CADM3: variants seen among roughly 807,000 people sequenced by gnomAD.
The protein encoded by CADM3 is TSLC1-like 1.
CADM3 carries 11 observed loss-of-function variants against 44.9 expected under a neutral mutation model. The ratio of observed to expected loss-of-function variants is 0.25; its 90% CI spans 0.15 to 0.41. The LOEUF is 0.41. Ranked by LOEUF, CADM3 falls within the 10% of genes least tolerant of loss-of-function variation. CADM3 has a pLI of 1.00. For synonymous variants in CADM3, 207 were observed against 205.2 expected, an observed-to-expected ratio of 1.01 and a Z score of -0.08; for missense variants, 426 against 512.0, an observed-to-expected ratio of 0.83 and a Z score of 1.62.
rs746860818 is a variant in CADM3, at chr1:159,200,820, T to A, written c.1095T>A (p.His365Gln). 2 of 1,606,618 alleles carry A rather than the reference T, an allele frequency of 1.2e-6. No individual in the cohort carries two copies. The highest frequency in any genetic ancestry group is 1.7e-6 in the Non-Finnish European group (2 of 1,176,240). The change falls in exon 9 of 9, where the codon CAT (histidine) becomes CAA (glutamine). Residue 365 changes from histidine to glutamine, a missense_variant. Around this residue, in one of 2 missense-constraint regions of CADM3, gnomAD observed 362 missense variants for 474.6 expected, o/e 0.76. Coordinates refer to ENST00000368125, the MANE Select transcript of CADM3 (RefSeq NM_001127173.3). ...TCTACACAGGAACCTACCTGACACA[T>A]GAGGCAAAAGGCTCCGACGATGCTC... ...LIRHKGTYLT[H>Q]EAKGSDDAPD...
intron 1 of CADM3, among the ~76,000 whole-genome samples, chr1:159,179,590 G>T (rs1313057621): frequency 2.6e-5 from 4 of 152,130 alleles, no homozygotes; most frequent in Admixed American, 6.5e-5. Flanking sequence ...TAGTACTTCT[G>T]ACAACAGATT....
chr1:159,173,829 A>G (rs1239859116), intron 1 of CADM3, among the ~76,000 whole-genome samples: 1 of 152,202 alleles, frequency 6.6e-6, no homozygotes, highest in African/African-American at 2.4e-5. Context: ...CTTCTACTCT[A>G]AGATGTAAAA....
chr1:159,176,793 CA>C (rs1433562658), intron 1 of CADM3, among the ~76,000 whole-genome samples: 1 of 152,200 alleles, frequency 6.6e-6, no homozygotes, highest in Admixed American at 6.5e-5. Flanking sequence ...AGTAAAGGTA[CA>C]TATTCTTCAC....
chr1:159,201,750 T>G lies in CADM3; in HGVS notation c.*828T>G, dbSNP rs1650221333. 1 of 152,470 alleles carries G rather than the reference T, an allele frequency of 6.6e-6. No homozygotes were observed. Among genetic ancestry groups the G allele is most frequent in the African/African-American group, 2.4e-5 (1 of 41,410 alleles). The allele number at this position is 152,470 out of a possible 1,614,324, so 9.4% of individuals were successfully genotyped here. A position where few individuals can be genotyped will look rare whatever the true frequency, so the allele number is the denominator to read the frequency against. On this transcript the variant is annotated 3_prime_UTR_variant, in exon 9 of 9. Transcript: ENST00000368125. ...GGAGATAGCAGAGTGTGGCTGCCCC[T>G]CCTTGCTCCAGCAGCAGTGGGAGAG...
In CADM3 at chr1:159,199,737, G is replaced by A. The variant is rs759552558; in HGVS notation, c.953-14G>A. On this transcript the variant is annotated splice_polypyrimidine_tract_variant and intron_variant, in intron 7 of 8. Coordinates refer to ENST00000368125, the MANE Select transcript of CADM3 (RefSeq NM_001127173.3). ...CTCCCCAGATCTGACTGTGTGTGTTGCCCTTTCTTCCAGACCCCAGTCCGG... is the reference window on the plus strand; with the variant it reads ...CTCCCCAGATCTGACTGTGTGTGTTACCCTTTCTTCCAGACCCCAGTCCGG... The A allele has an allele frequency of 6.2e-7, 1 of 1,614,060 alleles. No individual in the cohort carries two copies. Among genetic ancestry groups the A allele is most frequent in the East Asian group, 2.2e-5 (1 of 44,862 alleles).
intron 5 of CADM3, chr1:159,195,794 A>T (rs1358591930): frequency 6.6e-6 from 1 of 152,378 alleles, no homozygotes; most frequent in Non-Finnish European, 1.5e-5. Context: ...CGTCAATGGC[A>T]GATGCCATTC....
chr1:159,191,761 C>T (rs1256112785), intron 1 of CADM3, among the ~76,000 whole-genome samples, 175 bp from the exon 2 acceptor site: 1 of 152,156 alleles, frequency 6.6e-6, no homozygotes, highest in Non-Finnish European at 1.5e-5. Flanking sequence ...ATCTGTCTTT[C>T]CCTCCACCGC....
At chr1:159,186,749 TCTCA>T (rs1649434859) in intron 1 of CADM3, among the ~76,000 whole-genome samples, 4 of 152,204 alleles carry the variant, frequency 2.6e-5, no homozygotes, top group Middle Eastern at 6.8e-3. Flanking sequence ...AAGAGACAGT[TCTCA>T]AGAGAAGACA....
At chr1:159,184,157 C>G (rs1426838844) in intron 1 of CADM3, among the ~76,000 whole-genome samples, 1 of 152,162 alleles carries the variant, frequency 6.6e-6, no homozygotes, top group African/African-American at 2.4e-5. Context: ...TTGCTATGGC[C>G]AGTCTCTTGT....
rs138690239 is a variant in CADM3, at chr1:159,200,272, C to T, written c.1078+396C>T. Among the ~76,000 whole-genome samples the T allele has an allele frequency of 1.2e-4, 19 of 152,220 alleles. No individual in the cohort carries two copies. In the East Asian group the frequency reaches 3.5e-3, roughly 28 times the overall value. On this transcript the variant is annotated intron_variant, in intron 8 of 8. Coordinates refer to ENST00000368125, the MANE Select transcript of CADM3 (RefSeq NM_001127173.3). ...TTTTCTTTCTCCTTTGATCTCATTG[C>T]CTTTCTTTCCTCTCCCCCTTTTCTA...
chr1:159,185,736 T>C (rs1649392788), intron 1 of CADM3, among the ~76,000 whole-genome samples: 1 of 152,226 alleles, frequency 6.6e-6, no homozygotes, highest in South Asian at 2.1e-4. Flanking sequence ...TTTGGTTTGC[T>C]ATTTCCTCTC....
chr1:159,189,842 T>C, intron 1 of CADM3: 2 of 1,605,488 alleles, frequency 1.2e-6, no homozygotes, highest in South Asian at 1.1e-5. Context: ...CTCCACAGTC[T>C]GGAGCAGCCC....
At chr1:159,172,334 A>G (rs1648847252) in intron 1 of CADM3, among the ~76,000 whole-genome samples, 1 of 151,838 alleles carries the variant, frequency 6.6e-6, no homozygotes, top group African/African-American at 2.4e-5. Flanking sequence ...AATCCCCCAA[A>G]CTGCTGTATG....
Position 159,192,231 on chromosome 1 carries a change from C to A in CADM3, c.229+155C>A, listed in dbSNP as rs139267575. On this transcript the variant is annotated intron_variant, in intron 2 of 8. Coordinates refer to ENST00000368125, the MANE Select transcript of CADM3 (RefSeq NM_001127173.3). ...CAAGCCATGAGTTCCCCAACTGGTTCCAGTATTGCAGCTCTGATTTACAGC... is the reference window on the plus strand; with the variant it reads ...CAAGCCATGAGTTCCCCAACTGGTTACAGTATTGCAGCTCTGATTTACAGC... Among the ~76,000 whole-genome samples, 31 of 152,262 alleles carry A rather than the reference C, an allele frequency of 2.0e-4. No homozygotes were observed. In the East Asian group the frequency reaches 3.7e-3, roughly 18 times the overall value.
At position 159,196,301 on chromosome 1, in the gene CADM3, A is replaced by T. The variant is rs1649888039; in HGVS notation, c.692-63A>T. On this transcript the variant is annotated intron_variant, in intron 5 of 8. Coordinates refer to ENST00000368125, the MANE Select transcript of CADM3 (RefSeq NM_001127173.3). ...GAGGTAGAAGCTGTAGTGTGCAACT[A>T]AGTGAGGGAATCTCCTAAGCCGTGT... is the stretch of plus-strand genomic sequence containing the variant. 1.2e-5 allele frequency: 16 copies of T among 1,307,372 alleles called. No homozygotes were observed. The South Asian group carries it at 1.8e-4, about 15-fold the overall frequency. 81.0% of individuals were successfully genotyped at this position (1,307,372 alleles called of 1,614,324 possible).
chr1:159,189,942 C>A (rs1649582749), intron 1 of CADM3: 4 of 1,058,204 alleles, frequency 3.8e-6, no homozygotes, highest in Non-Finnish European at 1.4e-6. Context: ...CTCTCCCACT[C>A]ATGTTGCCTT....
chr1:159,200,777 AGAG>A (rs1246502551), intron 8 of CADM3, 24 bp from the exon 9 acceptor site: 1 of 1,524,626 alleles, frequency 6.6e-7, no homozygotes, highest in East Asian at 2.4e-5. Flanking sequence ...GCTGCTCCTG[AGAG>A]GAGAAGCCTC....
intron 1 of CADM3, among the ~76,000 whole-genome samples, chr1:159,190,121 T>C (rs990491246): frequency 2.0e-5 from 3 of 152,114 alleles, no homozygotes; most frequent in African/African-American, 7.2e-5. Context: ...ATAAAATGAT[T>C]CCAGGGGAAT....
At chr1:159,192,141 C>T (rs778991671) in intron 2 of CADM3, 65 bp downstream of exon 2, 18 of 1,536,986 alleles carry the variant, frequency 1.2e-5, no homozygotes, top group East Asian at 9.1e-5. Context: ...CTGCAGACAC[C>T]GAGGGGAACT....
Sources: gnomAD v4.1 joint callset for allele counts (sites outside exome capture counted in the v4.1 genomes callset) on GRCh38, gnomAD v4.1.1 for gene constraint, gnomAD v4.1.1 regional missense constraint, MANE v1.5 for transcripts, NCBI Gene and HGNC (gene_info 2026-07-23, HGNC 2026-07-21) for gene names.